ATP8A1: variants seen among roughly 807,000 people sequenced by gnomAD.
ATP8A1 encodes the protein ATPase phospholipid transporting 8A1.
In ATP8A1, 90 loss-of-function variants were observed where a neutral mutation model predicts 177.7. That is an observed-to-expected ratio of 0.51 (90% CI 0.43 to 0.60). The LOEUF is 0.60. ATP8A1 is among the 20% of genes least tolerant of loss of function. The pLI is 0.00. For synonymous variants in ATP8A1, 493 were observed against 485.9 expected (o/e 1.01, Z -0.19); for missense variants, 1,072 against 1,392.8 (o/e 0.77, Z 3.67).
chr4:42,590,756 C>T lies in ATP8A1; in HGVS notation c.524+55G>A, dbSNP rs150214116. The T allele has an allele frequency of 1.1e-3, 1,612 of 1,534,800 alleles. 3 individuals carry two copies. Among genetic ancestry groups the T allele is most frequent in the East Asian group, 2.5e-3 (109 of 44,442 alleles). ...ACCATATTTGGGTGCAACTGTTCTC[C>T]GGTTTACGGTGAGGACCCACATACA... On this transcript the variant is annotated intron_variant, in intron 7 of 36. Transcript: ENST00000381668.
At chr4:42,627,751 TACA>T (rs1738265659) in intron 1 of ATP8A1, among the ~76,000 whole-genome samples, 1 of 152,188 alleles carries the variant, frequency 6.6e-6, no homozygotes. Context: ...AAAAAATACA[TACA>T]AGTTCTAGAA....
chr4:42,560,079 T>G (rs1459782723), intron 15 of ATP8A1, among the ~76,000 whole-genome samples: 1 of 152,146 alleles, frequency 6.6e-6, no homozygotes, highest in African/African-American at 2.4e-5. Context: ...AAAAATACTG[T>G]GGTGCATTTA....
intron 5 of ATP8A1, among the ~76,000 whole-genome samples, chr4:42,610,917 A>G (rs1257310468): frequency 1.3e-5 from 2 of 152,200 alleles, no homozygotes; most frequent in African/African-American, 4.8e-5. Context: ...CCAGAGAGAC[A>G]AAAAGGGAGC....
At chr4:42,416,309 G>C (rs1288021526) in intron 35 of ATP8A1, among the ~76,000 whole-genome samples, 2 of 152,158 alleles carry the variant, frequency 1.3e-5, no homozygotes, top group South Asian at 2.1e-4. Flanking sequence ...GACTACGGGA[G>C]ACTAGAGGAT....
At chr4:42,470,179 CACAA>C (rs1479239440) in intron 25 of ATP8A1, among the ~76,000 whole-genome samples, 7 of 152,196 alleles carry the variant, frequency 4.6e-5, no homozygotes, top group Admixed American at 2.0e-4. Flanking sequence ...CCTGTGGCTC[CACAA>C]ACAGAGGGTG....
At chr4:42,619,654 TAGAG>T (rs1175800223) in intron 4 of ATP8A1, among the ~76,000 whole-genome samples, 1 of 151,572 alleles carries the variant, frequency 6.6e-6, no homozygotes, top group Non-Finnish European at 1.5e-5. Flanking sequence ...TCTATATATA[TAGAG>T]AGATTTAAAA....
chr4:42,634,141 A>C (rs527908322), intron 1 of ATP8A1, among the ~76,000 whole-genome samples: 1 of 152,354 alleles, frequency 6.6e-6, no homozygotes, highest in Non-Finnish European at 1.5e-5. Flanking sequence ...GTCCTGGGTT[A>C]GACTGGTGAC....
chr4:42,640,523 CCTTTT>C (rs898175520), intron 1 of ATP8A1, among the ~76,000 whole-genome samples: 96 of 152,228 alleles, frequency 6.3e-4, no homozygotes, highest in African/African-American at 2.0e-3. Context: ...TGACTAAATC[CCTTTT>C]CTTTCTTTTC....
At chr4:42,440,297 T>C (rs935629665) in intron 33 of ATP8A1, among the ~76,000 whole-genome samples, 2 of 151,314 alleles carry the variant, frequency 1.3e-5, no homozygotes, top group African/African-American at 4.9e-5. Context: ...AGCGAAAATA[T>C]AAATCAGGTC....
intron 24 of ATP8A1, among the ~76,000 whole-genome samples, chr4:42,498,961 A>G (rs1184865847): frequency 6.6e-6 from 1 of 152,202 alleles, no homozygotes; most frequent in African/African-American, 2.4e-5. Context: ...TGGGCATACT[A>G]GTATCTACTT....
intron 24 of ATP8A1, among the ~76,000 whole-genome samples, chr4:42,497,174 G>A (rs562898640): frequency 6.6e-6 from 1 of 152,292 alleles, no homozygotes; most frequent in South Asian, 2.1e-4. Flanking sequence ...GGGACTTCAA[G>A]CAATCAAGGT....
intron 23 of ATP8A1, among the ~76,000 whole-genome samples, chr4:42,504,855 T>A (rs867626407): frequency 1.8e-4 from 27 of 152,266 alleles, no homozygotes; most frequent in African/African-American, 5.3e-4. Flanking sequence ...TGGACACTGC[T>A]ATGCTGAAGA....
intron 5 of ATP8A1, among the ~76,000 whole-genome samples, chr4:42,604,430 T>TGACATAAA (rs113177260): frequency 0.76 from 115,237 of 151,578 alleles, 44,191 homozygotes; most frequent in Non-Finnish European, 0.82. Context: ...CAGCACACAC[T>TGACATAAA]GGTGCTCAGT....
chr4:42,548,947 A>G (rs1238183152), intron 19 of ATP8A1, 66 bp downstream of exon 19: 18 of 1,303,814 alleles, frequency 1.4e-5, no homozygotes, highest in Non-Finnish European at 1.9e-5. Flanking sequence ...AGTTATTCAA[A>G]AGGGAAAAAA....
intron 22 of ATP8A1, among the ~76,000 whole-genome samples, chr4:42,517,513 A>G (rs1725684636): frequency 6.6e-6 from 1 of 152,166 alleles, no homozygotes; most frequent in Admixed American, 6.5e-5. Flanking sequence ...CACAATGCCC[A>G]ATGTGAACCT....
chr4:42,444,104 T>G (rs1253739610), intron 32 of ATP8A1, among the ~76,000 whole-genome samples: 21 of 152,192 alleles, frequency 1.4e-4, no homozygotes, highest in Admixed American at 1.4e-3. Context: ...GTCTTTTTGT[T>G]TCCGGGGTCT....
chr4:42,480,876 A>C (rs184092530), intron 25 of ATP8A1, among the ~76,000 whole-genome samples: 1 of 152,330 alleles, frequency 6.6e-6, no homozygotes, highest in East Asian at 1.9e-4. Flanking sequence ...ACTTCAATTT[A>C]ACTTTTGCTT....
chr4:42,468,380 ATATG>A, intron 25 of ATP8A1, among the ~76,000 whole-genome samples: 1 of 152,184 alleles, frequency 6.6e-6, no homozygotes, highest in South Asian at 2.1e-4. Context: ...GTGTGTATAT[ATATG>A]TATGTGTGTG....
intron 20 of ATP8A1, among the ~76,000 whole-genome samples, chr4:42,529,632 T>C (rs1267050000): frequency 6.6e-6 from 1 of 152,212 alleles, no homozygotes; most frequent in Non-Finnish European, 1.5e-5. Context: ...GATGGCCTCA[T>C]GGGGAGTTCC....
Sources: gnomAD v4.1 joint callset for allele counts (sites outside exome capture counted in the v4.1 genomes callset) on GRCh38, gnomAD v4.1.1 for gene constraint, MANE v1.5 for transcripts, NCBI Gene and HGNC (gene_info 2026-07-23, HGNC 2026-07-21) for gene names.